ZNF684: variants seen among roughly 807,000 people sequenced by gnomAD.
ZNF684 encodes the protein hypothetical protein MGC27466.
Under a neutral mutation model 12.8 loss-of-function variants are expected in ZNF684, and 13 were observed. That is an observed-to-expected ratio of 1.02 (90% confidence interval 0.66 to 1.62). The LOEUF (loss-of-function observed/expected upper bound fraction) is 1.62, where lower values mean the gene tolerates loss of function less well. Ranked by LOEUF, ZNF684 falls within the 40% of genes most tolerant of loss-of-function variation. The probability of loss-of-function intolerance (pLI) is 0.00; values close to 1 mark genes in which losing one functional copy is unlikely to be tolerated. For synonymous variants in ZNF684, 118 were observed against 151.8 expected (o/e 0.78, Z 1.64); for missense variants, 384 against 446.9 (o/e 0.86, Z 1.27).
intron 4 of ZNF684, among the ~76,000 whole-genome samples, chr1:40,545,915 C>CTTTTTTTTT (rs55993619): frequency 2.2e-4 from 15 of 67,894 alleles, no homozygotes; most frequent in Admixed American, 3.9e-4. Flanking sequence ...GTCTCCTTTT[C>CTTTTTTTTT]TTTTTTTTTT....
intron 2 of ZNF684, among the ~76,000 whole-genome samples, chr1:40,538,181 C>T (rs994213104): frequency 1.3e-5 from 2 of 151,910 alleles, no homozygotes; most frequent in Non-Finnish European, 2.9e-5. Flanking sequence ...TTTGTAGAGA[C>T]TGAGTCTTGG....
At chr1:40,542,033 G>A (rs974018201) in intron 4 of ZNF684, among the ~76,000 whole-genome samples, 1 of 151,898 alleles carries the variant, frequency 6.6e-6, no homozygotes, top group African/African-American at 2.4e-5. Context: ...TCTCAACATC[G>A]ATCTTTTTCT....
intron 4 of ZNF684, chr1:40,545,026 T>C (rs971329962): frequency 2.0e-5 from 3 of 152,244 alleles, no homozygotes; most frequent in African/African-American, 7.2e-5. Context: ...AGTGAATTCA[T>C]ATCTTGCATA....
intron 2 of ZNF684, among the ~76,000 whole-genome samples, chr1:40,539,042 T>A (rs1035870053): frequency 2.0e-5 from 3 of 151,780 alleles, no homozygotes; most frequent in East Asian, 2.0e-4. Flanking sequence ...GTATATATAT[T>A]TTTTTGAGAC....
chr1:40,533,070 G>A (rs1445624300), intron 1 of ZNF684, 73 bp from the exon 2 acceptor site: 7 of 1,275,432 alleles, frequency 5.5e-6, no homozygotes, highest in Admixed American at 3.8e-5. Flanking sequence ...GTCTGATAGA[G>A]CAGGGTTCTA....
intron 4 of ZNF684, among the ~76,000 whole-genome samples, chr1:40,543,225 C>A (rs1298771699): frequency 6.6e-6 from 1 of 152,172 alleles, no homozygotes; most frequent in Non-Finnish European, 1.5e-5. Context: ...TTACAAATTA[C>A]ATTCTATTTT....
chr1:40,540,610 G>C lies in ZNF684; in HGVS notation c.40G>C (p.Ala14Pro). ...FQESVTFQDV[A>P]VDFTAEEWQL... is the part of the protein sequence containing the mutation. Reference sequence around the variant, plus strand: ...GGAATCAGTGACATTCCAGGATGTGGCTGTGGATTTCACTGCAGAGGAGTG... The same window carrying C: ...GGAATCAGTGACATTCCAGGATGTGCCTGTGGATTTCACTGCAGAGGAGTG... Residue 14 changes from alanine (A) to proline (P), a missense_variant, in exon 3 of 5, where the codon GCT becomes CCT. By Grantham distance (27) the Ala-to-Pro change is conservative (BLOSUM62 -1). Coordinates refer to ENST00000372699, the MANE Select transcript of ZNF684 (RefSeq NM_152373.4). 1 of 1,608,080 alleles carries C rather than the reference G, an allele frequency of 6.2e-7. No individual in the cohort carries two copies. The highest frequency in any genetic ancestry group is 8.5e-7 in the Non-Finnish European group (1 of 1,177,072).
In ZNF684 at chr1:40,540,669, T is replaced by C. The variant is rs74575870; in HGVS notation, c.99T>C (p.Tyr33=). 7,857 of 1,611,702 alleles carry C rather than the reference T, an allele frequency of 4.9e-3. 303 individuals carry two copies. The African/African-American group carries it at 0.088, about 18-fold the overall frequency. Residue 33 remains tyrosine, a synonymous_variant, in exon 3 of 5, where the codon TAT becomes TAC. Coordinates refer to ENST00000372699, the MANE Select transcript of ZNF684 (RefSeq NM_152373.4). The part of the protein sequence containing the change: ...QLLDCAERTL[Y]WDVMLENYRN... ...TTGATTGTGCTGAGAGAACCCTGTA[T>C]TGGGATGTGATGTTGGAGAACTATA...
intron 2 of ZNF684, among the ~76,000 whole-genome samples, 185 bp downstream of exon 2, chr1:40,533,366 CA>C (rs1645967590): frequency 6.6e-6 from 1 of 152,188 alleles, no homozygotes; most frequent in African/African-American, 2.4e-5. Context: ...ATTTGAGCTG[CA>C]AATGTGTACT....
chr1:40,539,026 A>G lies in ZNF684; in HGVS notation c.16-1560A>G, dbSNP rs527622104. 8.4e-4 allele frequency among the ~76,000 whole-genome samples: 128 copies of G among 151,834 alleles called. 2 individuals carry two copies. In the South Asian group the frequency reaches 0.025, roughly 30 times the overall value. On this transcript the variant is annotated intron_variant, in intron 2 of 4. Transcript: ENST00000372699. ...ATGTAGTGAGACCCCATCTCTAAAAATATATGTATATATATTTTTTTGAGA... is the reference window on the plus strand; with the variant it reads ...ATGTAGTGAGACCCCATCTCTAAAAGTATATGTATATATATTTTTTTGAGA...
intron 4 of ZNF684, among the ~76,000 whole-genome samples, chr1:40,543,273 A>T (rs1646025862): frequency 6.6e-6 from 1 of 152,210 alleles, no homozygotes. Context: ...ATTTATCCAA[A>T]TTATTCTATT....
intron 2 of ZNF684, among the ~76,000 whole-genome samples, chr1:40,536,647 A>C: frequency 7.3e-6 from 1 of 136,296 alleles, no homozygotes; most frequent in South Asian, 2.6e-4. Context: ...ATATCTCCCA[A>C]TGCTATCCCT....
intron 4 of ZNF684, among the ~76,000 whole-genome samples, chr1:40,545,764 G>A (rs10889468): frequency 0.46 from 69,978 of 151,758 alleles, 17,179 homozygotes; most frequent in African/African-American, 0.6. Flanking sequence ...GAGGAAAAAG[G>A]CACAAGTGAG....
intron 4 of ZNF684, chr1:40,544,441 G>T: frequency 7.3e-6 from 3 of 411,774 alleles, no homozygotes; most frequent in Non-Finnish European, 1.5e-5. Context: ...CGCAATCTCA[G>T]CTCGGGTTCA....
intron 4 of ZNF684, among the ~76,000 whole-genome samples, chr1:40,545,873 C>T (rs1646043503): frequency 6.7e-6 from 1 of 148,272 alleles, no homozygotes; most frequent in Admixed American, 6.7e-5. Context: ...CTAGTCTGTT[C>T]TCTGATATTT....
At chr1:40,533,248 G>A in intron 2 of ZNF684, 67 bp downstream of exon 2, 5 of 1,468,094 alleles carry the variant, frequency 3.4e-6, no homozygotes, top group Non-Finnish European at 3.8e-6. Flanking sequence ...AAAAGGAAAT[G>A]TATGGTCAGG....
chr1:40,546,496 C>T lies in ZNF684; in HGVS notation c.239-66C>T, dbSNP rs561282740. The stretch of plus-strand genomic sequence containing the variant: ...GAGATACTGTATTTGAAATTATAGA[C>T]GTTTTTCTCTATAGCATGTTGATGG... On this transcript the variant is annotated intron_variant, in intron 4 of 4. Transcript: ENST00000372699. 3.6e-5 allele frequency: 51 copies of T among 1,403,478 alleles called. No homozygotes were observed. The African/African-American group carries it at 4.2e-4, about 12-fold the overall frequency. The allele number at this position is 1,403,478 out of a possible 1,614,324, so 86.9% of individuals were successfully genotyped here.
intron 4 of ZNF684, among the ~76,000 whole-genome samples, chr1:40,543,928 A>G (rs1449648930): frequency 6.6e-6 from 1 of 151,824 alleles, no homozygotes; most frequent in Non-Finnish European, 1.5e-5. Context: ...GTCATGAAAA[A>G]TTTACATATA....
intron 4 of ZNF684, chr1:40,544,444 C>A: frequency 2.4e-6 from 1 of 408,186 alleles, no homozygotes; most frequent in Non-Finnish European, 4.9e-6. Context: ...AATCTCAGCT[C>A]GGGTTCAAGT....
Sources: allele counts gnomAD v4.1 joint callset (sites outside exome capture counted in the v4.1 genomes callset), GRCh38; gene constraint gnomAD v4.1.1; transcripts MANE v1.5; gene names NCBI Gene and HGNC (gene_info 2026-07-23, HGNC 2026-07-21).